The following PRUNE2 variants were observed in gnomAD, a reference collection of about 807,000 sequenced individuals.
PRUNE2 encodes protein prune homolog 2.
In PRUNE2, 164 loss-of-function variants were observed where a neutral mutation model predicts 252.0. The ratio of observed to expected loss-of-function variants is 0.65; its 90% confidence interval spans 0.57 to 0.74. The LOEUF is 0.74. Among genes scored for constraint, PRUNE2 ranks in the 30% least tolerant of loss-of-function variants. The pLI, the probability that PRUNE2 is intolerant of heterozygous loss-of-function variation, is 0.00. For synonymous variants in PRUNE2, 1,292 were observed against 1,350.2 expected (o/e 0.96, Z 0.94); for missense variants, 3,495 against 3,711.0 (o/e 0.94, Z 1.51).
intron 7 of PRUNE2, among the ~76,000 whole-genome samples, chr9:76,711,657 C>T (rs1337055261): frequency 6.6e-6 from 1 of 152,160 alleles, no homozygotes; most frequent in Non-Finnish European, 1.5e-5. Context: ...ATAATACCAT[C>T]TTCCAATAGC....
At chr9:76,805,262 G>A (rs932931539) in intron 6 of PRUNE2, among the ~76,000 whole-genome samples, 6 of 152,256 alleles carry the variant, frequency 3.9e-5, no homozygotes, top group African/African-American at 1.2e-4. Flanking sequence ...GTCCTAGCCC[G>A]ACTCCTACCA....
chr9:76,855,510 T>C (rs947316119), intron 1 of PRUNE2, among the ~76,000 whole-genome samples: 3 of 152,150 alleles, frequency 2.0e-5, no homozygotes, highest in Non-Finnish European at 4.4e-5. Context: ...TACAAATGAA[T>C]CTAAAAATTT....
At chr9:76,897,388 C>CTTT (rs2062888063) in intron 1 of PRUNE2, among the ~76,000 whole-genome samples, 1 of 98,082 alleles carries the variant, frequency 1.0e-5, no homozygotes, top group Non-Finnish European at 2.1e-5. Flanking sequence ...TTAGGCAAAC[C>CTTT]TCTTTTTTTT....
intron 6 of PRUNE2, among the ~76,000 whole-genome samples, chr9:76,791,168 A>G (rs945524520): frequency 6.6e-6 from 1 of 152,168 alleles, no homozygotes; most frequent in Admixed American, 6.5e-5. Context: ...CAGAATGGTG[A>G]CTACATACTG....
chr9:76,627,899 G>A, intron 16 of PRUNE2: 1 of 411,924 alleles, frequency 2.4e-6, no homozygotes, highest in Non-Finnish European at 4.9e-6. Flanking sequence ...TGCTATGCTT[G>A]GCATATCATA....
At chr9:76,896,066 C>T (rs927966595) in intron 1 of PRUNE2, among the ~76,000 whole-genome samples, 8 of 152,134 alleles carry the variant, frequency 5.3e-5, no homozygotes, top group African/African-American at 1.7e-4. Context: ...TGAGCCACCA[C>T]GCCTGCCATC....
intron 15 of PRUNE2, among the ~76,000 whole-genome samples, chr9:76,632,394 C>A (rs1390837779): frequency 6.6e-6 from 1 of 152,196 alleles, no homozygotes; most frequent in Non-Finnish European, 1.5e-5. Context: ...GAGGCTCCTA[C>A]ATGATGAAAC....
chr9:76,765,556 G>A (rs1292205158), intron 6 of PRUNE2, among the ~76,000 whole-genome samples: 1 of 152,116 alleles, frequency 6.6e-6, no homozygotes, highest in Non-Finnish European at 1.5e-5. Context: ...TGATGGGGAG[G>A]TGGCTCAATC....
intron 6 of PRUNE2, among the ~76,000 whole-genome samples, chr9:76,777,722 A>C (rs2053952593): frequency 6.6e-6 from 1 of 152,248 alleles, no homozygotes; most frequent in Non-Finnish European, 1.5e-5. Flanking sequence ...GGCAGTGCAG[A>C]AAAATCAAAC....
At chr9:76,755,804 C>T (rs749153599) in intron 6 of PRUNE2, among the ~76,000 whole-genome samples, 6 of 152,124 alleles carry the variant, frequency 3.9e-5, no homozygotes, top group Non-Finnish European at 5.9e-5. Context: ...CTAGTTCAAA[C>T]GATTGTCTCG....
intron 9 of PRUNE2, chr9:76,693,101 C>A (rs909853378): frequency 6.6e-6 from 1 of 151,732 alleles, no homozygotes; most frequent in Non-Finnish European, 1.5e-5. Flanking sequence ...AAAATGCCAG[C>A]AGATATATTG....
intron 1 of PRUNE2, among the ~76,000 whole-genome samples, chr9:76,892,957 A>G (rs10781391): frequency 0.58 from 87,906 of 152,084 alleles, 25,579 homozygotes; most frequent in South Asian, 0.69. Context: ...AGTGGCTCAC[A>G]CCTCTAATTT....
chr9:76,876,595 C>T (rs191520531), intron 1 of PRUNE2, among the ~76,000 whole-genome samples: 15 of 151,992 alleles, frequency 9.9e-5, no homozygotes, highest in Non-Finnish European at 1.8e-4. Context: ...CACTTGGTGG[C>T]GTTTTTGGGT....
chr9:76,830,056 C>T (rs1219596973), intron 4 of PRUNE2, among the ~76,000 whole-genome samples: 1 of 152,136 alleles, frequency 6.6e-6, no homozygotes, highest in Non-Finnish European at 1.5e-5. Context: ...AATTTTAAAA[C>T]TGTCAATTTA....
At chr9:76,729,085 T>C (rs979208026) in intron 6 of PRUNE2, among the ~76,000 whole-genome samples, 1 of 152,218 alleles carries the variant, frequency 6.6e-6, no homozygotes, top group African/African-American at 2.4e-5. Context: ...GTTGCAGCCA[T>C]TGTTTAAATT....
intron 6 of PRUNE2, among the ~76,000 whole-genome samples, chr9:76,820,458 G>A (rs1188188779): frequency 2.6e-5 from 4 of 152,180 alleles, no homozygotes; most frequent in Admixed American, 2.6e-4. Context: ...AGAGCATGCT[G>A]TGTAAGTTAC....
At chr9:76,855,124 G>A (rs1485949195) in intron 1 of PRUNE2, among the ~76,000 whole-genome samples, 11 of 140,520 alleles carry the variant, frequency 7.8e-5, no homozygotes, top group East Asian at 2.1e-4. Flanking sequence ...TGGAAGAGAA[G>A]ACTTGCTATT....
intron 6 of PRUNE2, among the ~76,000 whole-genome samples, chr9:76,821,877 T>C (rs144323011): frequency 6.6e-6 from 1 of 152,200 alleles, no homozygotes; most frequent in Non-Finnish European, 1.5e-5. Flanking sequence ...AAGTCTGTAA[T>C]ATGAATAGCC....
At chr9:76,742,489 G>A (rs1052343964) in intron 6 of PRUNE2, among the ~76,000 whole-genome samples, 2 of 152,030 alleles carry the variant, frequency 1.3e-5, no homozygotes, top group African/African-American at 4.8e-5. Context: ...GTGGTGGCAT[G>A]TGCCTGTTGT....
Sources: allele counts gnomAD v4.1 joint callset (sites outside exome capture counted in the v4.1 genomes callset), GRCh38; gene constraint gnomAD v4.1.1; transcripts MANE v1.5; gene names NCBI Gene and HGNC (gene_info 2026-07-23, HGNC 2026-07-21).